FAM120B: variants seen among roughly 807,000 people sequenced by gnomAD.
The protein encoded by FAM120B is constitutive coactivator of peroxisome proliferator-activated receptor gamma.
A neutral mutation model predicts 96.3 loss-of-function variants in FAM120B; 83 were observed. The ratio of observed to expected loss-of-function variants is 0.86; its 90% CI spans 0.72 to 1.03. The LOEUF is 1.03. Ranked by LOEUF, FAM120B falls within the 50% of genes least tolerant of loss-of-function variation. FAM120B has a pLI of 0.00. For synonymous variants in FAM120B, 407 were observed against 402.7 expected (o/e 1.01, Z -0.13); for missense variants, 1,027 against 1,121.2 (o/e 0.92, Z 1.20).
intron 6 of FAM120B, among the ~76,000 whole-genome samples, chr6:170,371,732 G>A (rs997395604): frequency 2.6e-5 from 4 of 152,250 alleles, no homozygotes; most frequent in African/African-American, 4.8e-5. Context: ...CTCCTAGCAC[G>A]TGAGTCTTCA....
intron 5 of FAM120B, among the ~76,000 whole-genome samples, chr6:170,356,609 C>T (rs917700016): frequency 3.3e-5 from 5 of 152,162 alleles, no homozygotes; most frequent in African/African-American, 4.8e-5. Context: ...TCAAGTCCTG[C>T]GGTCAGCCTG....
upstream of FAM120B, chr6:170,290,924 G>C (rs1233633411): frequency 1.4e-6 from 1 of 697,214 alleles, no homozygotes; most frequent in Non-Finnish European, 2.6e-6. This position sits in a 1 kb window ranked among gnomAD's most constrained non-coding sequence, Gnocchi z 4.7. Flanking sequence ...GCGCGCAGAG[G>C]ATCTGGCTCT....
At chr6:170,365,715 C>G (rs9460125) in intron 6 of FAM120B, among the ~76,000 whole-genome samples, 1 of 144,924 alleles carries the variant, frequency 6.9e-6, no homozygotes, top group Non-Finnish European at 1.5e-5. Context: ...ACCCCTCCCT[C>G]CCCCCCCTCC....
At chr6:170,372,805 C>T (rs750827826) in intron 6 of FAM120B, among the ~76,000 whole-genome samples, 12 of 152,158 alleles carry the variant, frequency 7.9e-5, no homozygotes, top group African/African-American at 1.2e-4. Flanking sequence ...CAACTACAAT[C>T]GGAAGACTTC....
intron 4 of FAM120B, among the ~76,000 whole-genome samples, chr6:170,341,947 A>ATTTT (rs1786868065): frequency 6.6e-6 from 1 of 152,166 alleles, no homozygotes; most frequent in Non-Finnish European, 1.5e-5. Flanking sequence ...GATCTCCAGT[A>ATTTT]TTTTCAGTTC....
intron 3 of FAM120B, among the ~76,000 whole-genome samples, chr6:170,329,535 G>A (rs1785857600): frequency 6.6e-6 from 1 of 152,134 alleles, no homozygotes; most frequent in South Asian, 2.1e-4. Flanking sequence ...CATCACAGGT[G>A]CTGATAATGC....
upstream of FAM120B, among the ~76,000 whole-genome samples, chr6:170,302,464 C>T (rs1399464137): frequency 6.6e-6 from 1 of 152,210 alleles, no homozygotes; most frequent in East Asian, 1.9e-4. Context: ...ATCTTGAGCT[C>T]ATGTGGTTGT....
chr6:170,314,552 A>T (rs924105021), intron 1 of FAM120B, among the ~76,000 whole-genome samples: 1 of 152,164 alleles, frequency 6.6e-6, no homozygotes, highest in African/African-American at 2.4e-5. Flanking sequence ...GATAATGAAA[A>T]TTTCTTATAT....
chr6:170,361,560 G>C (rs1483074184), intron 6 of FAM120B, among the ~76,000 whole-genome samples: 1 of 152,106 alleles, frequency 6.6e-6, no homozygotes, highest in African/African-American at 2.4e-5. Context: ...GAGCAGAAAT[G>C]ATGGCAGTTG....
chr6:170,395,363 C>G (rs1409551871), intron 8 of FAM120B, 124 bp from the exon 9 acceptor site: 1 of 769,048 alleles, frequency 1.3e-6, no homozygotes, highest in Non-Finnish European at 2.2e-6. Context: ...TTTCATGACC[C>G]TCCCTCTGAT....
intron 5 of FAM120B, among the ~76,000 whole-genome samples, chr6:170,349,887 G>T (rs1043151033): frequency 6.6e-6 from 1 of 152,256 alleles, no homozygotes; most frequent in South Asian, 2.1e-4. Context: ...GTGGAGGGCA[G>T]TGCCCCACCT....
intron 6 of FAM120B, among the ~76,000 whole-genome samples, chr6:170,373,868 A>G (rs1789353248): frequency 6.6e-6 from 1 of 152,198 alleles, no homozygotes; most frequent in South Asian, 2.1e-4. Flanking sequence ...GTTCTTGTTG[A>G]TGCCGGATAT....
intron 5 of FAM120B, among the ~76,000 whole-genome samples, chr6:170,356,404 G>A (rs9356648): frequency 0.1 from 15,921 of 152,108 alleles, 1,043 homozygotes; most frequent in East Asian, 0.2. Flanking sequence ...AATTAATCAG[G>A]CTAAAAAGAT....
intron 2 of FAM120B, among the ~76,000 whole-genome samples, chr6:170,322,208 G>GT (rs1159096581): frequency 1.6e-4 from 25 of 152,246 alleles, no homozygotes; most frequent in African/African-American, 4.6e-4. Flanking sequence ...CTGGCACATG[G>GT]TTTTTCACTC....
At chr6:170,374,377 G>A (rs1789387616) in intron 6 of FAM120B, among the ~76,000 whole-genome samples, 1 of 152,226 alleles carries the variant, frequency 6.6e-6, no homozygotes, top group African/African-American at 2.4e-5. Flanking sequence ...AGAAGTCGGT[G>A]TATTTAGGAA....
chr6:170,315,486 G>C (rs1331119212), intron 1 of FAM120B, among the ~76,000 whole-genome samples: 1 of 152,036 alleles, frequency 6.6e-6, no homozygotes, highest in African/African-American at 2.4e-5. Context: ...CCTTACAGTT[G>C]ACGTAATCAC....
chr6:170,351,377 G>A (rs1787569491), intron 5 of FAM120B, among the ~76,000 whole-genome samples: 1 of 152,120 alleles, frequency 6.6e-6, no homozygotes, highest in African/African-American at 2.4e-5. Flanking sequence ...CATACTTTAG[G>A]ATATCATTCA....
intron 1 of FAM120B, among the ~76,000 whole-genome samples, chr6:170,311,275 G>A (rs1454557699): frequency 6.6e-6 from 1 of 152,176 alleles, no homozygotes; most frequent in East Asian, 1.9e-4. Flanking sequence ...AGCATGGTTT[G>A]CCAGGCCTTT....
Position 170,329,105 on chromosome 6 carries a change from C to T in FAM120B, c.1916-1344C>T, listed in dbSNP as rs76196588. Reference sequence around the variant, plus strand: ...CCAGCCCCAGGACCTTGCCTGGCTTCTCTGAGTCTTACCCTATATCCTGAT... The same window carrying T: ...CCAGCCCCAGGACCTTGCCTGGCTTTTCTGAGTCTTACCCTATATCCTGAT... On this transcript the variant is annotated intron_variant, in intron 3 of 10. Coordinates refer to ENST00000476287, the MANE Select transcript of FAM120B (RefSeq NM_032448.3). Among the ~76,000 whole-genome samples, 106 of 152,348 alleles carry T rather than the reference C, an allele frequency of 7.0e-4. 1 individual carries two copies. Among genetic ancestry groups the T allele is most frequent in the African/African-American group, 2.5e-3 (105 of 41,592 alleles).
Sources: allele counts gnomAD v4.1 joint callset (sites outside exome capture counted in the v4.1 genomes callset), GRCh38; gene constraint gnomAD v4.1.1; non-coding constraint Gnocchi (gnomAD v3.1); transcripts MANE v1.5; gene names NCBI Gene and HGNC (gene_info 2026-07-23, HGNC 2026-07-21).